The following CEP135 variants were observed in gnomAD, a reference collection of about 807,000 sequenced individuals.
CEP135 encodes centrosomal protein 135, also known as centrosomal protein of 135 kDa.
CEP135 carries 142 observed loss-of-function variants against 157.3 expected under a neutral mutation model. The ratio of observed to expected loss-of-function variants is 0.90; its 90% CI spans 0.79 to 1.04. The LOEUF (loss-of-function observed/expected upper bound fraction) is 1.04. Among genes scored for constraint, CEP135 ranks in the 50% least tolerant of loss-of-function variants. The pLI, the probability that CEP135 is intolerant of heterozygous loss-of-function variation, is 0.00. For missense variants in CEP135, 1,317 were observed against 1,309.2 expected, an observed-to-expected ratio of 1.01 and a Z score of -0.09; for synonymous variants, 396 against 439.8, an observed-to-expected ratio of 0.90 and a Z score of 1.25.
At chr4:55,954,551 G>A (rs982446807) in intron 4 of CEP135, among the ~76,000 whole-genome samples, 168 bp downstream of exon 4, 14 of 152,012 alleles carry the variant, frequency 9.2e-5, no homozygotes, top group Middle Eastern at 3.2e-3. Context: ...TAATGATCCG[G>A]GTAGTAATTT....
chr4:55,951,163 G>C (rs1282892743), intron 1 of CEP135, among the ~76,000 whole-genome samples: 1 of 152,098 alleles, frequency 6.6e-6, no homozygotes, highest in African/African-American at 2.4e-5. Context: ...CTGTTGATGG[G>C]GGTTTAGGTT....
rs368088698 is a variant in CEP135 at position 55,964,240 on chromosome 4, A to T, written c.700-34A>T. 6.3e-6 allele frequency: 10 copies of T among 1,575,150 alleles called. No homozygotes were observed. The African/African-American group carries it at 1.4e-4, about 22-fold the overall frequency. On this transcript the variant is annotated intron_variant, in intron 6 of 25. Transcript: ENST00000257287. ...TGTTAATCATTTGGTTGAAAACCAG[A>T]TTTTTTAAAATGACAGCATGACTAT...
At chr4:55,981,467 C>T in intron 13 of CEP135, 88 bp downstream of exon 13, 1 of 1,140,122 alleles carries the variant, frequency 8.8e-7, no homozygotes, top group South Asian at 1.8e-5. Context: ...TACTATTGGC[C>T]AAATCCAGAC....
At chr4:55,987,158 T>C (rs1377361763) in intron 14 of CEP135, among the ~76,000 whole-genome samples, 1 of 152,160 alleles carries the variant, frequency 6.6e-6, no homozygotes, top group African/African-American at 2.4e-5. Context: ...TAAAACCCTT[T>C]TGAGTACGCT....
intron 12 of CEP135, 149 bp from the exon 13 acceptor site, chr4:55,981,078 C>T: frequency 1.5e-6 from 1 of 662,524 alleles, no homozygotes; most frequent in Non-Finnish European, 2.3e-6. Context: ...ATTATTCTTA[C>T]TATTTTAATC....
chr4:55,969,166 T>C (rs1260571930), intron 9 of CEP135, 38 bp downstream of exon 9: 2 of 1,580,160 alleles, frequency 1.3e-6, no homozygotes, highest in African/African-American at 2.7e-5. Context: ...GCATTTTCAG[T>C]AAGAAAATTT....
At chr4:56,002,147 A>AG (rs1404709257) in intron 17 of CEP135, among the ~76,000 whole-genome samples, 2 of 152,018 alleles carry the variant, frequency 1.3e-5, no homozygotes, top group Non-Finnish European at 2.9e-5. Context: ...TTTTTAGTGG[A>AG]GTCTTAAGGT....
intron 25 of CEP135, among the ~76,000 whole-genome samples, chr4:56,029,758 CAG>C (rs1468384112): frequency 6.6e-6 from 1 of 152,104 alleles, no homozygotes; most frequent in Non-Finnish European, 1.5e-5. Context: ...TGCATCTAAA[CAG>C]AGAAAACATA....
chr4:55,980,265 AAG>A lies in CEP135; in HGVS notation c.1600_1601del (p.Asp534Ter). The A allele has an allele frequency of 6.5e-7, 1 of 1,548,598 alleles. No individual in the cohort carries two copies. The highest frequency in any genetic ancestry group is 1.1e-5 in the South Asian group (1 of 88,924). ...CCAATGTTAAATTATTGACAGCAGA[AAG>A]AGATAAACTAAGTGTCTTATATAAT... The part of the protein sequence containing the change: ...QSNVKLLTAE[R>X]DKLSVLYNEA... On this transcript the variant is annotated frameshift_variant, in exon 12 of 26. Transcript: ENST00000257287. LOFTEE classifies it high-confidence loss of function.
At chr4:56,020,292 G>A (rs572822116) in intron 23 of CEP135, among the ~76,000 whole-genome samples, 5 of 152,310 alleles carry the variant, frequency 3.3e-5, no homozygotes, top group South Asian at 2.1e-4. Context: ...AGACATATTT[G>A]TAGGAAGAGG....
chr4:55,999,060 C>A (rs1386154162), intron 15 of CEP135, among the ~76,000 whole-genome samples: 1 of 152,052 alleles, frequency 6.6e-6, no homozygotes, highest in Non-Finnish European at 1.5e-5. Context: ...GAAAAGAGCA[C>A]ACAATTAATT....
At chr4:55,972,890 G>A (rs1729073255) in intron 10 of CEP135, among the ~76,000 whole-genome samples, 1 of 152,096 alleles carries the variant, frequency 6.6e-6, no homozygotes, top group African/African-American at 2.4e-5. Context: ...AAACTAGCTG[G>A]GCGTGGTGGT....
chr4:56,013,297 A>G (rs1730656061), intron 21 of CEP135, among the ~76,000 whole-genome samples: 1 of 152,180 alleles, frequency 6.6e-6, no homozygotes, highest in Admixed American at 6.5e-5. Context: ...ACCTTAGTGT[A>G]TACGTGATTT....
In CEP135 at chr4:56,009,230, C is replaced by T. The variant is rs577153651; in HGVS notation, c.2337-505C>T. Among the ~76,000 whole-genome samples, 14 of 152,252 alleles carry T rather than the reference C, an allele frequency of 9.2e-5. No homozygotes were observed. In the East Asian group the frequency reaches 1.9e-3, roughly 21 times the overall value. ...AGGCTGGAGTGCAGTGGGGCGATCT[C>T]GGCTCATTGCAAGCTCTGCCTCCCG... On this transcript the variant is annotated intron_variant, in intron 18 of 25. Coordinates refer to ENST00000257287, the MANE Select transcript of CEP135 (RefSeq NM_025009.5).
In CEP135 at chr4:55,981,407, G is replaced by A. The variant is rs755232576; in HGVS notation, c.1779+28G>A. The A allele has an allele frequency of 4.5e-6, 7 of 1,546,886 alleles. No individual in the cohort carries two copies. The South Asian group carries it at 8.8e-5, about 20-fold the overall frequency. On this transcript the variant is annotated intron_variant, in intron 13 of 25. Transcript: ENST00000257287. ...AAGAAGATTGACATGTTTTTGAAAG[G>A]TAATTTGTTGAGAAAAAGAGGTCTT...
chr4:55,972,495 A>G (rs1729061827), intron 10 of CEP135, among the ~76,000 whole-genome samples: 1 of 152,154 alleles, frequency 6.6e-6, no homozygotes, highest in Non-Finnish European at 1.5e-5. Context: ...GTACCATCAA[A>G]CTCTGTGTGT....
chr4:55,967,773 A>G (rs1226402613), intron 8 of CEP135, among the ~76,000 whole-genome samples: 1 of 152,168 alleles, frequency 6.6e-6, no homozygotes, highest in Non-Finnish European at 1.5e-5. Context: ...GAAGGAAATT[A>G]CCTCAATATT....
chr4:55,996,217 C>A (rs1438801461), intron 15 of CEP135, among the ~76,000 whole-genome samples: 21 of 152,122 alleles, frequency 1.4e-4, no homozygotes, highest in Admixed American at 1.4e-3. Context: ...GACCTCCTGG[C>A]TCAAGCAGTC....
At chr4:55,983,795 T>C (rs909806246) in intron 13 of CEP135, among the ~76,000 whole-genome samples, 2 of 152,170 alleles carry the variant, frequency 1.3e-5, no homozygotes, top group African/African-American at 4.8e-5. Context: ...GCTAGAATTA[T>C]AGGCATGAGC....
Sources: allele counts gnomAD v4.1 joint callset (sites outside exome capture counted in the v4.1 genomes callset), GRCh38; gene constraint gnomAD v4.1.1; transcripts MANE v1.5; gene names NCBI Gene and HGNC (gene_info 2026-07-23, HGNC 2026-07-21).